Variants in ETV5 observed in about 807,000 individuals in gnomAD.
ETV5 encodes the protein ETS translocation variant 5.
Under a neutral mutation model 70.0 loss-of-function variants are expected in ETV5, and 10 were observed. The ratio of observed to expected loss-of-function variants is 0.14; its 90% CI spans 0.09 to 0.24. The LOEUF is 0.24. ETV5 is among the 10% of genes least tolerant of loss of function. The pLI is 1.00. For missense variants in ETV5, 453 were observed against 651.2 expected, an observed-to-expected ratio of 0.70 and a Z score of 3.31; for synonymous variants, 216 against 242.2, an observed-to-expected ratio of 0.89 and a Z score of 1.01.
At chr3:186,082,862 A>G (rs1578553485) in intron 5 of ETV5, among the ~76,000 whole-genome samples, 1 of 152,262 alleles carries the variant, frequency 6.6e-6, no homozygotes, top group Non-Finnish European at 1.5e-5. Flanking sequence ...TGACAAGGTT[A>G]TAAAGCAATG....
intron 5 of ETV5, among the ~76,000 whole-genome samples, chr3:186,084,574 G>A (rs551016077): frequency 1.3e-5 from 2 of 152,222 alleles, no homozygotes; most frequent in South Asian, 2.1e-4. Context: ...TGGCTGGCCC[G>A]CATAACTTAG....
intron 9 of ETV5, among the ~76,000 whole-genome samples, chr3:186,059,820 A>G (rs1480433935): frequency 1.3e-5 from 2 of 152,238 alleles, no homozygotes; most frequent in Non-Finnish European, 2.9e-5. Context: ...CACCTTACAC[A>G]TAAGTACTAA....
chr3:186,077,832 C>T (rs928285468), intron 7 of ETV5, among the ~76,000 whole-genome samples: 9 of 152,306 alleles, frequency 5.9e-5, no homozygotes, highest in South Asian at 2.1e-4. Flanking sequence ...AGAATTCCTC[C>T]CCCTTCACCT....
chr3:186,048,955 C>A (rs1380878990), intron 12 of ETV5, 95 bp from the exon 13 acceptor site: 22 of 1,020,560 alleles, frequency 2.2e-5, no homozygotes, highest in Non-Finnish European at 3.3e-5. Context: ...AAGCCAGGGA[C>A]CAAAGGAGCA....
chr3:186,103,672 T>TACACAC (rs1714521239), intron 5 of ETV5, among the ~76,000 whole-genome samples: 3 of 125,826 alleles, frequency 2.4e-5, no homozygotes, highest in African/African-American at 9.3e-5. Context: ...CACACACACT[T>TACACAC]GGATTATCTT....
chr3:186,072,833 G>T (rs972252860), intron 7 of ETV5, among the ~76,000 whole-genome samples: 1 of 152,166 alleles, frequency 6.6e-6, no homozygotes, highest in East Asian at 1.9e-4. Flanking sequence ...ATTAGTTGTA[G>T]ATATAACATT....
Position 186,057,223 on chromosome 3 carries a change from G to C in ETV5, c.1061C>G (p.Thr354Ser). 6.2e-7 allele frequency: 1 copy of C among 1,614,154 alleles called. No individual in the cohort carries two copies. Among genetic ancestry groups the C allele is most frequent in the Non-Finnish European group, 8.5e-7 (1 of 1,180,012 alleles). The change falls in exon 11 of 13, where the codon ACC becomes AGC. Residue 354 changes from threonine (T) to serine (S), a missense_variant. Coordinates refer to ENST00000306376, the MANE Select transcript of ETV5 (RefSeq NM_004454.3). This position sits in a 1 kb window ranked among gnomAD's most constrained non-coding sequence, Gnocchi z 4.9. ...GTAAGGGGGCCCCTCTCGATACATG[G>C]TAGGCTCCTGTTTGACTTTGCCTGT... Reference protein sequence around the residue: ...RLEGKVKQEPTMYREGPPYQR... With the variant: ...RLEGKVKQEPSMYREGPPYQR...
intron 5 of ETV5, among the ~76,000 whole-genome samples, chr3:186,092,966 T>A (rs946048950): frequency 6.6e-6 from 1 of 152,224 alleles, no homozygotes; most frequent in South Asian, 2.1e-4. Context: ...TATATAGAAC[T>A]GGTGCTTTGA....
At chr3:186,066,789 G>A (rs1713457710) in intron 7 of ETV5, among the ~76,000 whole-genome samples, 2 of 152,174 alleles carry the variant, frequency 1.3e-5, no homozygotes, top group Admixed American at 1.3e-4. Flanking sequence ...ACTGACATAT[G>A]TCATAAAACT....
At chr3:186,062,296 A>G (rs1345215267) in intron 9 of ETV5, among the ~76,000 whole-genome samples, 1 of 152,198 alleles carries the variant, frequency 6.6e-6, no homozygotes, top group East Asian at 1.9e-4. Flanking sequence ...CTACTCTTAC[A>G]GCCACGTGCC....
chr3:186,064,001 C>G (rs773463741), intron 9 of ETV5, among the ~76,000 whole-genome samples: 2 of 152,214 alleles, frequency 1.3e-5, no homozygotes, highest in Non-Finnish European at 2.9e-5. Flanking sequence ...ACCACCCTCA[C>G]TGACATAACT....
chr3:186,057,519 C>A lies in ETV5; in HGVS notation c.971-28G>T. 6.4e-7 allele frequency: 1 copy of A among 1,566,688 alleles called. No homozygotes were observed. Among genetic ancestry groups the A allele is most frequent in the Non-Finnish European group, 8.8e-7 (1 of 1,137,050 alleles). On this transcript the variant is annotated intron_variant, in intron 9 of 12. Coordinates refer to ENST00000306376, the MANE Select transcript of ETV5 (RefSeq NM_004454.3). This position sits in a 1 kb window ranked among gnomAD's most constrained non-coding sequence, Gnocchi z 4.9. Reference sequence around the variant, plus strand: ...GAAAGAGAATTTAAAAGAAAGACTACGTTGCTTAACAAATTCTGTGTTGTA... The same window carrying A: ...GAAAGAGAATTTAAAAGAAAGACTAAGTTGCTTAACAAATTCTGTGTTGTA...
chr3:186,048,018 G>T lies in ETV5; in HGVS notation c.*621C>A, dbSNP rs1322879159. ...GCTCTACTTGGCGACCACATGGCCG[G>T]GTGGTTCCCAAGAGTAGCCATGGTT... On this transcript the variant is annotated 3_prime_UTR_variant, in exon 13 of 13. Coordinates refer to ENST00000306376, the MANE Select transcript of ETV5 (RefSeq NM_004454.3). 1 of 233,238 alleles carries T rather than the reference G, an allele frequency of 4.3e-6. No homozygotes were observed. Among genetic ancestry groups the T allele is most frequent in the African/African-American group, 2.2e-5 (1 of 45,300 alleles). 14.4% of individuals were successfully genotyped at this position (233,238 alleles called of 1,614,324 possible).
chr3:186,103,457 A>G (rs1349510929), intron 5 of ETV5, among the ~76,000 whole-genome samples: 5 of 152,334 alleles, frequency 3.3e-5, no homozygotes, highest in Non-Finnish European at 5.9e-5. Context: ...GTTACAGAGA[A>G]ACAAACAAAA....
intron 5 of ETV5, chr3:186,084,282 TAAAAA>T (rs11327778): frequency 3.1e-3 from 683 of 217,338 alleles, no homozygotes; most frequent in Middle Eastern, 6.0e-3. Context: ...AAAGAAATGC[TAAAAA>T]AAAAAAAAAA....
Position 186,066,046 on chromosome 3 carries a change from C to A in ETV5, c.677G>T (p.Cys226Phe). The A allele has an allele frequency of 6.2e-7, 1 of 1,606,558 alleles. No homozygotes were observed. ...QRFQRQLSEP[C>F]HPFPPQPGVP... ...TCCTGGCTGAGGAGGGAAGGGGTGG[C>A]AGGGTTCAGACAGTTGTCTCTGAAA... The change falls in exon 8 of 13, where the codon TGC becomes TTC. Residue 226 changes from cysteine to phenylalanine, a missense_variant. Around this residue, in one of 4 missense-constraint regions of ETV5, gnomAD observed 307 missense variants for 344.9 expected, o/e 0.89. Transcript: ENST00000306376.
At chr3:186,048,883 C>CAGGG in intron 12 of ETV5, 23 bp from the exon 13 acceptor site, 13 of 1,598,650 alleles carry the variant, frequency 8.1e-6, no homozygotes, top group Non-Finnish European at 6.9e-6. Flanking sequence ...ACACACCTTA[C>CAGGG]AGGGCCCAGT....
chr3:186,085,971 A>T (rs760321665), intron 5 of ETV5, among the ~76,000 whole-genome samples: 16 of 151,424 alleles, frequency 1.1e-4, no homozygotes, highest in Non-Finnish European at 8.8e-5. Flanking sequence ...TACCACCCAG[A>T]CTCCGCACTG....
chr3:186,051,489 A>G (rs1173409224), intron 12 of ETV5, among the ~76,000 whole-genome samples: 2 of 152,252 alleles, frequency 1.3e-5, no homozygotes, highest in Admixed American at 1.3e-4. Flanking sequence ...TTCCACAAAG[A>G]GCAACCTGCT....
Sources: gnomAD v4.1 joint callset for allele counts (sites outside exome capture counted in the v4.1 genomes callset) on GRCh38, gnomAD v4.1.1 for gene constraint, gnomAD v4.1.1 regional missense constraint, Gnocchi (gnomAD v3.1) non-coding constraint, MANE v1.5 for transcripts, NCBI Gene and HGNC (gene_info 2026-07-23, HGNC 2026-07-21) for gene names.